The following ANO4 variants were observed in gnomAD, a reference collection of about 807,000 sequenced individuals.
The protein encoded by ANO4 is anoctamin-4.
In ANO4, 69 loss-of-function variants were observed where a neutral mutation model predicts 141.9. The ratio of observed to expected loss-of-function variants is 0.49; its 90% confidence interval spans 0.40 to 0.59. The LOEUF is 0.59. Among genes scored for constraint, ANO4 ranks in the 20% least tolerant of loss-of-function variants. The probability of loss-of-function intolerance (pLI) is 0.00; values close to 1 mark genes in which losing one functional copy is unlikely to be tolerated. For missense variants in ANO4, 894 were observed against 1,162.2 expected (o/e 0.77, Z 3.36); for synonymous variants, 350 against 394.3 (o/e 0.89, Z 1.33).
exon 3 of ANO4, chr12:100,739,891 C>A (rs532130054): frequency 5.7e-6 from 4 of 702,410 alleles, no homozygotes; most frequent in Non-Finnish European, 1.0e-5. Context: ...TTGGGCTTAC[C>A]CACTGGAAAA....
chr12:100,751,119 G>A (rs540804824), intron 3 of ANO4, among the ~76,000 whole-genome samples: 4 of 152,280 alleles, frequency 2.6e-5, no homozygotes, highest in South Asian at 2.1e-4. Flanking sequence ...AAGCTGCCAC[G>A]AGGAATGAAT....
chr12:101,096,676 C>A, intron 19 of ANO4, 29 bp downstream of exon 19: 1 of 1,537,150 alleles, frequency 6.5e-7, no homozygotes, highest in Non-Finnish European at 9.0e-7. Context: ...CACACCTCCC[C>A]AAGCTGAGGA....
intron 14 of ANO4, among the ~76,000 whole-genome samples, chr12:101,071,786 A>G (rs1275339445): frequency 6.6e-6 from 1 of 152,198 alleles, no homozygotes; most frequent in Non-Finnish European, 1.5e-5. Flanking sequence ...GCATGCCTGT[A>G]GCAGAATATC....
intron 25 of ANO4, among the ~76,000 whole-genome samples, chr12:101,117,035 G>T (rs2050881999): frequency 6.6e-6 from 1 of 152,188 alleles, no homozygotes; most frequent in African/African-American, 2.4e-5. Context: ...TCAGAATTGA[G>T]AACTGCTAGC....
At chr12:100,733,863 C>T in intron 2 of ANO4, 1 of 689,350 alleles carries the variant, frequency 1.5e-6, no homozygotes, top group South Asian at 1.5e-5. Context: ...CATAGGTGAG[C>T]ACTAGTGTCA....
intron 14 of ANO4, among the ~76,000 whole-genome samples, chr12:101,064,416 A>G (rs2048484979): frequency 6.6e-6 from 1 of 152,146 alleles, no homozygotes; most frequent in South Asian, 2.1e-4. Context: ...TTTATGACCC[A>G]CAGTATGATA....
intron 1 of ANO4, among the ~76,000 whole-genome samples, chr12:100,727,984 C>T (rs891052373): frequency 6.6e-6 from 1 of 152,152 alleles, no homozygotes; most frequent in Non-Finnish European, 1.5e-5. Flanking sequence ...TTAACCTCTC[C>T]TCCAAACAAT....
rs558369695 is a variant in ANO4, at chr12:101,053,151, T to C, written c.1312+4750T>C. Among the ~76,000 whole-genome samples, 6 of 152,302 alleles carry C rather than the reference T, an allele frequency of 3.9e-5. No homozygotes were observed. In the South Asian group the frequency reaches 1.2e-3, roughly 32 times the overall value. ...AATACAGGGCAAGTCCAATTTACAA[T>C]AGGCCAATGAGGGTTTATGTAGTCA... is the stretch of plus-strand genomic sequence containing the variant. On this transcript the variant is annotated intron_variant, in intron 14 of 27. Coordinates refer to ENST00000392977, the MANE Select transcript of ANO4 (RefSeq NM_001286615.2).
At chr12:100,874,355 A>G (rs1462122165) in intron 1 of ANO4, among the ~76,000 whole-genome samples, 3 of 152,196 alleles carry the variant, frequency 2.0e-5, no homozygotes, top group Non-Finnish European at 4.4e-5. Flanking sequence ...GAAAAGCTGC[A>G]GGCAATCTAT....
intron 3 of ANO4, among the ~76,000 whole-genome samples, chr12:100,776,156 G>A (rs1250489901): frequency 1.3e-5 from 2 of 152,176 alleles, no homozygotes; most frequent in African/African-American, 4.8e-5. Flanking sequence ...AGCACTGAGA[G>A]GTAAAGTAAC....
At chr12:101,067,067 T>C in intron 14 of ANO4, 1 of 439,060 alleles carries the variant, frequency 2.3e-6, no homozygotes, top group Non-Finnish European at 4.1e-6. Context: ...GAAAATCAAA[T>C]AAGCTAGTTC....
At chr12:100,993,659 A>G (rs2045241141) in intron 8 of ANO4, among the ~76,000 whole-genome samples, 2 of 152,152 alleles carry the variant, frequency 1.3e-5, no homozygotes, top group South Asian at 4.2e-4. Flanking sequence ...TTATTCTGCC[A>G]TCCCCTAAAT....
At chr12:100,951,538 A>G (rs1008377688) in intron 5 of ANO4, among the ~76,000 whole-genome samples, 2 of 152,212 alleles carry the variant, frequency 1.3e-5, no homozygotes, top group Non-Finnish European at 2.9e-5. Context: ...TTGTAGGGAC[A>G]TGGATGGAGC....
At chr12:100,979,497 A>C (rs998782670) in intron 7 of ANO4, among the ~76,000 whole-genome samples, 22 of 152,132 alleles carry the variant, frequency 1.4e-4, no homozygotes, top group Non-Finnish European at 3.1e-4. Context: ...ACCAAATTAC[A>C]GCCAGTGGTG....
At chr12:100,917,877 G>A (rs754689324) in intron 2 of ANO4, among the ~76,000 whole-genome samples, 28 of 152,116 alleles carry the variant, frequency 1.8e-4, no homozygotes, top group Admixed American at 7.2e-4. Flanking sequence ...AAAATTACAT[G>A]AATTTAGAAA....
chr12:101,103,183 TTATATATATATATATA>T (rs71091476), intron 22 of ANO4, among the ~76,000 whole-genome samples: 1 of 18,582 alleles, frequency 5.4e-5, no homozygotes, highest in Non-Finnish European at 9.6e-5. Context: ...TTTAGTCATT[TTATATATATATATATA>T]TATATATATA....
chr12:101,117,840 C>A (rs926054533), intron 25 of ANO4, among the ~76,000 whole-genome samples: 5 of 152,156 alleles, frequency 3.3e-5, no homozygotes, highest in Non-Finnish European at 7.3e-5. Flanking sequence ...CCACTTCAGT[C>A]CCTCATCTTA....
chr12:100,851,606 A>G lies in ANO4; in HGVS notation c.-140-50040A>G, dbSNP rs948634061. 2.6e-5 allele frequency among the ~76,000 whole-genome samples: 4 copies of G among 152,222 alleles called. No individual in the cohort carries two copies. In the East Asian group the frequency reaches 7.7e-4, roughly 29 times the overall value. ...AATCCTTTCTATATTCAAAGTGATG[A>G]CAAATATTCATCCATATTTTCTCCT... is the stretch of plus-strand genomic sequence containing the variant. On this transcript the variant is annotated intron_variant, in intron 1 of 27. Coordinates refer to ENST00000392977, the MANE Select transcript of ANO4 (RefSeq NM_001286615.2).
intron 14 of ANO4, among the ~76,000 whole-genome samples, chr12:101,051,784 C>A (rs536642737): frequency 4.2e-4 from 64 of 152,340 alleles, no homozygotes; most frequent in African/African-American, 1.4e-3. Context: ...CTCTGCTCTA[C>A]TGCTAGAATC....
Sources: gnomAD v4.1 joint callset for allele counts (sites outside exome capture counted in the v4.1 genomes callset) on GRCh38, gnomAD v4.1.1 for gene constraint, MANE v1.5 for transcripts, NCBI Gene and HGNC (gene_info 2026-07-23, HGNC 2026-07-21) for gene names.